TIAM1: variants seen among roughly 807,000 people sequenced by gnomAD.
TIAM1 encodes the protein rho guanine nucleotide exchange factor TIAM1.
In TIAM1, 65 loss-of-function variants were observed where a neutral mutation model predicts 163.5. That is an observed-to-expected ratio of 0.40 (90% CI 0.33 to 0.49). TIAM1 has a LOEUF of 0.49. TIAM1 is among the 20% of genes least tolerant of loss of function. The probability of loss-of-function intolerance (pLI) is 0.77; values close to 1 mark genes in which losing one functional copy is unlikely to be tolerated. For synonymous variants in TIAM1, 833 were observed against 810.1 expected (o/e 1.03, Z -0.48); for missense variants, 1,789 against 2,044.7 (o/e 0.87, Z 2.41).
At chr21:31,247,611 G>T (rs952204984) in intron 5 of TIAM1, among the ~76,000 whole-genome samples, 3 of 152,056 alleles carry the variant, frequency 2.0e-5, no homozygotes, top group African/African-American at 7.2e-5. Flanking sequence ...ACCCAGGTTG[G>T]TCTCAAATTC....
At chr21:31,163,437 C>A (rs1229834907) in intron 16 of TIAM1, among the ~76,000 whole-genome samples, 1 of 152,072 alleles carries the variant, frequency 6.6e-6, no homozygotes, top group Admixed American at 6.5e-5. Flanking sequence ...CAATGATCTG[C>A]TTTTTAATTA....
chr21:31,517,048 CAAAAAAAAAA>C (rs747446437), intron 1 of TIAM1, among the ~76,000 whole-genome samples: 3 of 65,392 alleles, frequency 4.6e-5, no homozygotes, highest in Non-Finnish European at 1.0e-4. Flanking sequence ...GACTCTGTCT[CAAAAAAAAAA>C]AAAAAAAAGA....
At chr21:31,407,164 A>G (rs551680563) in intron 2 of TIAM1, among the ~76,000 whole-genome samples, 1 of 152,306 alleles carries the variant, frequency 6.6e-6, no homozygotes, top group South Asian at 2.1e-4. Context: ...TCACACAAAG[A>G]AAGCCTAATG....
intron 2 of TIAM1, among the ~76,000 whole-genome samples, chr21:31,329,660 G>T (rs982805873): frequency 1.3e-5 from 2 of 152,202 alleles, no homozygotes; most frequent in Non-Finnish European, 2.9e-5. Flanking sequence ...TGCTTTCACA[G>T]CTATGAAGCC....
At chr21:31,174,026 G>A (rs1412234371) in intron 15 of TIAM1, among the ~76,000 whole-genome samples, 2 of 152,146 alleles carry the variant, frequency 1.3e-5, no homozygotes, top group Admixed American at 6.5e-5. Context: ...AAATGTTATC[G>A]ACAAACAAAC....
intron 1 of TIAM1, among the ~76,000 whole-genome samples, chr21:31,340,528 C>T (rs2075981600): frequency 6.6e-6 from 1 of 152,094 alleles, no homozygotes; most frequent in African/African-American, 2.4e-5. Flanking sequence ...TAATTCTTTT[C>T]CTGTTTTAAT....
intron 3 of TIAM1, 38 bp from the exon 4 acceptor site, chr21:31,267,021 C>G (rs1163836508): frequency 6.4e-7 from 1 of 1,553,872 alleles, no homozygotes; most frequent in South Asian, 1.2e-5. Context: ...AATTGAGTCA[C>G]TATTAGTACA....
At chr21:31,303,803 C>A (rs1366148438) in intron 2 of TIAM1, among the ~76,000 whole-genome samples, 1 of 151,950 alleles carries the variant, frequency 6.6e-6, no homozygotes, top group Non-Finnish European at 1.5e-5. Context: ...CATAGTGAAA[C>A]CTTGTCTCTA....
intron 1 of TIAM1, among the ~76,000 whole-genome samples, chr21:31,546,710 T>C (rs983122388): frequency 2.0e-5 from 3 of 152,172 alleles, no homozygotes; most frequent in African/African-American, 4.8e-5. Context: ...TTCAAGGATA[T>C]GCATGTCACA....
rs567297363 is a variant in TIAM1 at position 31,359,513 on chromosome 21, G to C, written c.-368-20091C>G. On this transcript the variant is annotated intron_variant, in intron 2 of 28. Coordinates refer to the TIAM1 transcript ENST00000286827. Reference sequence around the variant, plus strand: ...GGAGACATAGAAAATACAGTGAAAGGGCCGGGCATGGTGGCTCACGCTTGT... The same window carrying C: ...GGAGACATAGAAAATACAGTGAAAGCGCCGGGCATGGTGGCTCACGCTTGT... Among the ~76,000 whole-genome samples the C allele has an allele frequency of 3.9e-5, 6 of 152,146 alleles. No homozygotes were observed. The East Asian group carries it at 1.2e-3, about 29-fold the overall frequency.
chr21:31,475,025 T>C, intron 1 of TIAM1, among the ~76,000 whole-genome samples: 1 of 118,690 alleles, frequency 8.4e-6, no homozygotes, highest in African/African-American at 3.3e-5. Flanking sequence ...GAGCTAGTTT[T>C]TTATTATTAT....
At chr21:31,375,517 C>T (rs2076668235) in intron 2 of TIAM1, among the ~76,000 whole-genome samples, 1 of 151,036 alleles carries the variant, frequency 6.6e-6, no homozygotes, top group Non-Finnish European at 1.5e-5. Flanking sequence ...CAACTTCCCA[C>T]CATGTTCATT....
chr21:31,284,819 C>T (rs943262346), intron 2 of TIAM1, among the ~76,000 whole-genome samples: 2 of 152,072 alleles, frequency 1.3e-5, no homozygotes, highest in Non-Finnish European at 2.9e-5. Flanking sequence ...TCTCTGTTTT[C>T]CAAGCCTGAA....
At chr21:31,507,178 AATTTTTTTTTTTTTTTTTTTTT>A in intron 1 of TIAM1, among the ~76,000 whole-genome samples, 1 of 65,758 alleles carries the variant, frequency 1.5e-5, no homozygotes, top group African/African-American at 6.2e-5. Context: ...GCACCTTTTT[AATTTTTTTTTTTTTTTTTTTTT>A]TTTTTTTTTT....
rs1184390838 is a variant in TIAM1, at chr21:31,210,723, AAGAAAGAGAAAGAAGGAAGGAAGGG to A, written c.2218-533_2218-509del. Among the ~76,000 whole-genome samples, 37 of 124,554 alleles carry A rather than the reference AAGAAAGAGAAAGAAGGAAGGAAGGG, an allele frequency of 3.0e-4. 1 individual carries two copies. Among genetic ancestry groups the A allele is most frequent in the African/African-American group, 7.8e-4 (21 of 26,954 alleles). The allele number at this position is 124,554 out of a possible 152,430, so 81.7% of individuals were successfully genotyped here. A position where few individuals can be genotyped will look rare whatever the true frequency, so the allele number is the denominator to read the frequency against. ...AAAGAAAGAGAAAGAAAGAGAAAGA[AAGAAAGAGAAAGAAGGAAGGAAGGG>A]AGAAAGAAAGAAAGAAAGAAAGAAA... On this transcript the variant is annotated intron_variant, in intron 10 of 27. Transcript: ENST00000541036.
intron 1 of TIAM1, among the ~76,000 whole-genome samples, chr21:31,498,456 T>G (rs931263835): frequency 1.4e-4 from 21 of 152,008 alleles, no homozygotes; most frequent in Non-Finnish European, 1.8e-4. Flanking sequence ...ACCCCCACTC[T>G]CCCTTAAGGA....
chr21:31,451,779 G>GAA (rs2044868222), intron 2 of TIAM1, among the ~76,000 whole-genome samples: 1 of 151,714 alleles, frequency 6.6e-6, no homozygotes, highest in Admixed American at 6.6e-5. Context: ...GAGAGAGAGA[G>GAA]AGAGAGAGAG....
At chr21:31,247,058 GC>G (rs2071539563) in intron 5 of TIAM1, among the ~76,000 whole-genome samples, 2 of 152,070 alleles carry the variant, frequency 1.3e-5, no homozygotes, top group African/African-American at 4.8e-5. Context: ...AGTGGCTTAT[GC>G]CTGTAATCGC....
chr21:31,479,580 T>C (rs2046046016), intron 1 of TIAM1, among the ~76,000 whole-genome samples: 1 of 152,148 alleles, frequency 6.6e-6, no homozygotes, highest in Non-Finnish European at 1.5e-5. Flanking sequence ...ATCATGCTGA[T>C]AGCTTGGAAT....
Sources: allele counts gnomAD v4.1 joint callset (sites outside exome capture counted in the v4.1 genomes callset), GRCh38; gene constraint gnomAD v4.1.1; transcripts MANE v1.5; gene names NCBI Gene and HGNC (gene_info 2026-07-23, HGNC 2026-07-21).